The following RPS6KC1 variants were observed in gnomAD, a reference collection of about 807,000 sequenced individuals.
The protein encoded by RPS6KC1 is ribosomal protein S6 kinase C1, also known as inactive ribosomal protein S6 kinase delta-1.
Under a neutral mutation model 103.8 loss-of-function variants are expected in RPS6KC1, and 54 were observed. The observed-to-expected ratio is 0.52, with a 90% confidence interval of 0.42 to 0.65. The LOEUF is 0.65. Among genes scored for constraint, RPS6KC1 ranks in the 30% least tolerant of loss-of-function variants. The pLI is 0.00. For synonymous variants in RPS6KC1, 439 were observed against 438.7 expected, an observed-to-expected ratio of 1.00 and a Z score of -0.01; for missense variants, 1,151 against 1,253.8, an observed-to-expected ratio of 0.92 and a Z score of 1.24.
chr1:213,204,702 C>T (rs774298906), intron 8 of RPS6KC1, among the ~76,000 whole-genome samples: 4 of 149,230 alleles, frequency 2.7e-5, no homozygotes, highest in African/African-American at 9.9e-5. Flanking sequence ...CGGCTTACTG[C>T]AGTCCCGACG....
the RPS6KC1 span, among the ~76,000 whole-genome samples, chr1:213,738,840 AT>A: frequency 1.4e-4 from 5 of 35,900 alleles, no homozygotes; most frequent in African/African-American, 3.3e-4. Context: ...ACTCTAAAAA[AT>A]AAATAAATAA....
the RPS6KC1 span, among the ~76,000 whole-genome samples, chr1:213,491,711 A>C: frequency 6.6e-6 from 1 of 152,160 alleles, no homozygotes; most frequent in Non-Finnish European, 1.5e-5. Context: ...TAGCCTTAGA[A>C]TCACCCTGTA....
chr1:213,790,895 A>G, the RPS6KC1 span, among the ~76,000 whole-genome samples: 1 of 125,492 alleles, frequency 8.0e-6, no homozygotes, highest in African/African-American at 3.9e-5. Context: ...GGGATAAATC[A>G]AGCCTCATTC....
downstream of RPS6KC1, among the ~76,000 whole-genome samples, chr1:213,279,492 T>C (rs1269698665): frequency 6.6e-6 from 1 of 152,230 alleles, no homozygotes; most frequent in Admixed American, 6.5e-5. Context: ...TGATATTCAC[T>C]ATTCAGAGCT....
chr1:213,782,039 G>T, the RPS6KC1 span, among the ~76,000 whole-genome samples: 1 of 152,294 alleles, frequency 6.6e-6, no homozygotes, highest in East Asian at 1.9e-4. Context: ...GCCTTATCAA[G>T]ATATTTCTAG....
At chr1:213,475,336 TC>T in the RPS6KC1 span, among the ~76,000 whole-genome samples, 1 of 152,140 alleles carries the variant, frequency 6.6e-6, no homozygotes, top group Non-Finnish European at 1.5e-5. Context: ...TCTTCATTTG[TC>T]CCCCCTTTCA....
the RPS6KC1 span, among the ~76,000 whole-genome samples, chr1:213,377,022 C>T: frequency 6.6e-6 from 1 of 152,182 alleles, no homozygotes; most frequent in African/African-American, 2.4e-5. Context: ...GTCGCCAAAC[C>T]ACTAATCTGC....
At chr1:213,708,133 G>A in the RPS6KC1 span, among the ~76,000 whole-genome samples, 1 of 152,166 alleles carries the variant, frequency 6.6e-6, no homozygotes, top group East Asian at 1.9e-4. Flanking sequence ...ACTTTGGGCA[G>A]TATGGCAATT....
At chr1:213,171,256 C>T (rs1199493906) in intron 7 of RPS6KC1, among the ~76,000 whole-genome samples, 5 of 151,920 alleles carry the variant, frequency 3.3e-5, no homozygotes, top group African/African-American at 4.8e-5. Context: ...TACTAAAAGG[C>T]TCCAAGAAAA....
chr1:213,808,898 A>G, the RPS6KC1 span, among the ~76,000 whole-genome samples: 1 of 152,150 alleles, frequency 6.6e-6, no homozygotes, highest in Non-Finnish European at 1.5e-5. Context: ...TATAGACCGG[A>G]GCTGTTCCTA....
intron 4 of RPS6KC1, 42 bp downstream of exon 4, chr1:213,104,611 C>G (rs770158612): frequency 9.0e-7 from 1 of 1,115,762 alleles, no homozygotes; most frequent in Non-Finnish European, 1.3e-6. Flanking sequence ...TTATTAAATA[C>G]TTTTGTAATT....
At chr1:213,650,218 A>G in the RPS6KC1 span, among the ~76,000 whole-genome samples, 1 of 152,226 alleles carries the variant, frequency 6.6e-6, no homozygotes, top group Non-Finnish European at 1.5e-5. Flanking sequence ...ATGCTGAGTT[A>G]GAAGCAAAAG....
the RPS6KC1 span, among the ~76,000 whole-genome samples, chr1:213,309,486 C>T: frequency 6.6e-6 from 1 of 152,144 alleles, no homozygotes; most frequent in East Asian, 1.9e-4. Context: ...TGAAAAGTAT[C>T]GGAGTTCATA....
the RPS6KC1 span, among the ~76,000 whole-genome samples, chr1:213,803,954 C>A: frequency 8.3e-6 from 1 of 120,208 alleles, no homozygotes; most frequent in Non-Finnish European, 1.7e-5. Context: ...CACACTGGGG[C>A]CTGTCGGGGG....
the RPS6KC1 span, among the ~76,000 whole-genome samples, chr1:213,776,160 T>G: frequency 3.3e-5 from 5 of 152,218 alleles, no homozygotes; most frequent in African/African-American, 1.2e-4. Flanking sequence ...CAAACTCCTA[T>G]TAATGTGGAC....
At position 213,171,262 on chromosome 1, in the gene RPS6KC1, G is replaced by T. The variant is rs554373830; in HGVS notation, c.951+3289G>T. On this transcript the variant is annotated intron_variant, in intron 7 of 14. Coordinates refer to ENST00000366960, the MANE Select transcript of RPS6KC1 (RefSeq NM_012424.6). ...TTGCTTCATTACTAAAAGGCTCCAA[G>T]AAAATTTAGGAGCAGGTTTCACATA... Among the ~76,000 whole-genome samples, 5 of 151,648 alleles carry T rather than the reference G, an allele frequency of 3.3e-5. No homozygotes were observed. In the South Asian group the frequency reaches 8.3e-4, roughly 25 times the overall value.
At chr1:213,582,955 T>C in the RPS6KC1 span, among the ~76,000 whole-genome samples, 1 of 152,166 alleles carries the variant, frequency 6.6e-6, no homozygotes, top group Non-Finnish European at 1.5e-5. Flanking sequence ...GGACCTGCTT[T>C]CTGCCACTGT....
the RPS6KC1 span, among the ~76,000 whole-genome samples, chr1:213,636,543 G>T: frequency 1.3e-5 from 2 of 152,138 alleles, no homozygotes; most frequent in Non-Finnish European, 1.5e-5. Context: ...AAATGGTGCT[G>T]GGAGAACTGG....
intron 12 of RPS6KC1, among the ~76,000 whole-genome samples, chr1:213,257,484 G>C (rs1252027080): frequency 6.6e-6 from 1 of 152,190 alleles, no homozygotes; most frequent in East Asian, 1.9e-4. Context: ...CAGATGTCCT[G>C]CTTCTTCCTG....
Sources: gnomAD v4.1 joint callset for allele counts (sites outside exome capture counted in the v4.1 genomes callset) on GRCh38, gnomAD v4.1.1 for gene constraint, MANE v1.5 for transcripts, NCBI Gene and HGNC (gene_info 2026-07-23, HGNC 2026-07-21) for gene names.